Variants in WDR59 observed in about 807,000 individuals in gnomAD.
The protein encoded by WDR59 is WD repeat domain 59.
Under a neutral mutation model 131.2 loss-of-function variants are expected in WDR59, and 100 were observed. The ratio of observed to expected loss-of-function variants is 0.76; its 90% CI spans 0.65 to 0.90. The LOEUF (loss-of-function observed/expected upper bound fraction) is 0.90. Among genes scored for constraint, WDR59 ranks in the 40% least tolerant of loss-of-function variants. The pLI is 0.00. For synonymous variants in WDR59, 601 were observed against 466.2 expected (o/e 1.29, Z -3.72); for missense variants, 1,203 against 1,262.2 (o/e 0.95, Z 0.71).
intron 7 of WDR59, 91 bp downstream of exon 7, chr16:74,942,647 T>A (rs932115128): frequency 7.7e-7 from 1 of 1,297,460 alleles, no homozygotes; most frequent in African/African-American, 1.5e-5. Context: ...TTCCCCAGAC[T>A]CTCAAGCCAA....
intron 7 of WDR59, among the ~76,000 whole-genome samples, chr16:74,940,562 T>A (rs111851732): frequency 6.6e-6 from 1 of 152,200 alleles, no homozygotes; most frequent in South Asian, 2.1e-4. Flanking sequence ...CTGTTAGCAC[T>A]GACACTGAAC....
chr16:74,893,307 C>T (rs1392192745), intron 19 of WDR59, among the ~76,000 whole-genome samples: 1 of 152,096 alleles, frequency 6.6e-6, no homozygotes, highest in South Asian at 2.1e-4. Flanking sequence ...GGTCTCAAGA[C>T]GAAATTTACA....
intron 1 of WDR59, among the ~76,000 whole-genome samples, chr16:74,966,461 C>T (rs1284443886): frequency 2.0e-5 from 3 of 152,082 alleles, no homozygotes; most frequent in Non-Finnish European, 2.9e-5. Flanking sequence ...GCCTGGGCAA[C>T]AGACTGAGAC....
chr16:74,940,530 C>T (rs1013239714), intron 7 of WDR59, among the ~76,000 whole-genome samples: 3 of 152,078 alleles, frequency 2.0e-5, no homozygotes, highest in African/African-American at 7.2e-5. Flanking sequence ...GATAGTCATA[C>T]ATGAGTCTGG....
chr16:74,912,666 G>A (rs959420056), intron 13 of WDR59, among the ~76,000 whole-genome samples: 5 of 152,234 alleles, frequency 3.3e-5, no homozygotes, highest in African/African-American at 7.2e-5. Flanking sequence ...GAGGTGTGGA[G>A]TGGGAAATCA....
chr16:74,914,738 C>T (rs775195936), intron 13 of WDR59, among the ~76,000 whole-genome samples: 2 of 151,898 alleles, frequency 1.3e-5, no homozygotes, highest in African/African-American at 4.8e-5. Flanking sequence ...GGACTACAGG[C>T]GCACGCCACC....
chr16:74,912,066 T>C (rs544334585), intron 14 of WDR59, 132 bp downstream of exon 14: 6 of 1,225,722 alleles, frequency 4.9e-6, no homozygotes, highest in African/African-American at 4.5e-5. Context: ...AGAGGTTACG[T>C]TGCTAATACT....
chr16:74,889,376 C>T (rs1964930795), intron 21 of WDR59, among the ~76,000 whole-genome samples: 1 of 152,182 alleles, frequency 6.6e-6, no homozygotes, highest in Non-Finnish European at 1.5e-5. Flanking sequence ...GACCCTAGAG[C>T]TTTCAAGAAG....
At chr16:74,907,140 C>G (rs1425745058) in intron 17 of WDR59, among the ~76,000 whole-genome samples, 1 of 135,218 alleles carries the variant, frequency 7.4e-6, no homozygotes, top group African/African-American at 2.6e-5. Context: ...CAGGTCACAT[C>G]TGCCCAGGTT....
intron 24 of WDR59, 57 bp downstream of exon 24, chr16:74,886,213 A>AACTG: frequency 7.3e-7 from 1 of 1,371,646 alleles, no homozygotes; most frequent in South Asian, 1.2e-5. Context: ...ATTGTGGAGA[A>AACTG]ACTGGAGTCC....
Position 74,902,735 on chromosome 16 carries a change from A to G in WDR59, c.1866+1212T>C, listed in dbSNP as rs147207509. ...CATCTCAACAAAATGTCTTAGTTCC[A>G]ACCTGTTTATCAAATCATCTCTCCA... On this transcript the variant is annotated intron_variant, in intron 18 of 25. Coordinates refer to ENST00000262144, the MANE Select transcript of WDR59 (RefSeq NM_030581.4). Among the ~76,000 whole-genome samples, 941 of 152,270 alleles carry G rather than the reference A, an allele frequency of 6.2e-3. 12 individuals carry two copies. Among genetic ancestry groups the G allele is most frequent in the African/African-American group, 0.022 (912 of 41,546 alleles).
At chr16:74,904,289 A>G in intron 17 of WDR59, 189 bp from the exon 18 acceptor site, 1 of 612,980 alleles carries the variant, frequency 1.6e-6, no homozygotes, top group Non-Finnish European at 2.7e-6. Context: ...TGCTTCTATG[A>G]TTACAGACAT....
At chr16:74,874,875 G>C (rs1398617678) in intron 25 of WDR59, among the ~76,000 whole-genome samples, 1 of 152,282 alleles carries the variant, frequency 6.6e-6, no homozygotes, top group African/African-American at 2.4e-5. Flanking sequence ...ATAGGCGTGA[G>C]CCACTGTGCC....
chr16:74,939,028 A>C (rs1202173237), intron 7 of WDR59, among the ~76,000 whole-genome samples: 1 of 152,064 alleles, frequency 6.6e-6, no homozygotes, highest in Admixed American at 6.5e-5. Context: ...CATGATTAAT[A>C]AGCATAGAAA....
At chr16:74,979,763 A>G (rs1270871293) in intron 1 of WDR59, among the ~76,000 whole-genome samples, 2 of 142,396 alleles carry the variant, frequency 1.4e-5, no homozygotes, top group African/African-American at 2.6e-5. Context: ...CTGGTCTCGA[A>G]CTCCCAACCT....
intron 23 of WDR59, among the ~76,000 whole-genome samples, chr16:74,886,851 A>T (rs1403548607): frequency 6.6e-6 from 1 of 152,194 alleles, no homozygotes. Flanking sequence ...CGAACCTGGG[A>T]GGCAGAGGGG....
chr16:74,888,883 T>A (rs1177421090), intron 21 of WDR59, among the ~76,000 whole-genome samples: 1 of 152,220 alleles, frequency 6.6e-6, no homozygotes, highest in Non-Finnish European at 1.5e-5. Flanking sequence ...CCCTTTGTCC[T>A]TTCAGGAAGA....
chr16:74,953,230 G>C lies in WDR59; in HGVS notation c.241-1687C>G, dbSNP rs557937713. ...CTCATGCCTGTAATCCCAGCACTTTGGGAAGCTGAGGCAGGGGGATCGCTT... is the reference window on the plus strand; with the variant it reads ...CTCATGCCTGTAATCCCAGCACTTTCGGAAGCTGAGGCAGGGGGATCGCTT... On this transcript the variant is annotated intron_variant, in intron 3 of 25. Coordinates refer to ENST00000262144, the MANE Select transcript of WDR59 (RefSeq NM_030581.4). Among the ~76,000 whole-genome samples, 985 of 152,276 alleles carry C rather than the reference G, an allele frequency of 6.5e-3. 10 individuals are homozygous for C. Among genetic ancestry groups the C allele is most frequent in the African/African-American group, 0.022 (927 of 41,554 alleles).
intron 18 of WDR59, among the ~76,000 whole-genome samples, chr16:74,902,066 G>A (rs757028085): frequency 2.0e-5 from 3 of 152,028 alleles, no homozygotes; most frequent in Non-Finnish European, 2.9e-5. Flanking sequence ...ATAATCCAAG[G>A]TTTCTGAGGT....
Sources: gnomAD v4.1 joint callset for allele counts (sites outside exome capture counted in the v4.1 genomes callset) on GRCh38, gnomAD v4.1.1 for gene constraint, MANE v1.5 for transcripts, NCBI Gene and HGNC (gene_info 2026-07-23, HGNC 2026-07-21) for gene names.